FGGY: variants seen among roughly 807,000 people sequenced by gnomAD.
FGGY encodes the protein FGGY carbohydrate kinase domain containing.
Under a neutral mutation model 71.3 loss-of-function variants are expected in FGGY, and 72 were observed. That is an observed-to-expected ratio of 1.01 (90% confidence interval 0.84 to 1.23). The LOEUF (loss-of-function observed/expected upper bound fraction) is 1.23, where lower values mean the gene tolerates loss of function less well. Among genes scored for constraint, FGGY ranks in the 50% most tolerant of loss-of-function variants. The pLI is 0.00. For synonymous variants in FGGY, 251 were observed against 250.3 expected (o/e 1.00, Z -0.02); for missense variants, 668 against 682.3 (o/e 0.98, Z 0.23).
At chr1:59,374,096 T>C (rs1183132779) in intron 4 of FGGY, among the ~76,000 whole-genome samples, 1 of 152,094 alleles carries the variant, frequency 6.6e-6, no homozygotes, top group Non-Finnish European at 1.5e-5. Flanking sequence ...CAAAAGAAAC[T>C]ACCATCAGAG....
chr1:59,382,512 T>TGTA (rs1482759992), intron 5 of FGGY, among the ~76,000 whole-genome samples: 1 of 152,016 alleles, frequency 6.6e-6, no homozygotes, highest in African/African-American at 2.4e-5. Context: ...CCCTGGAAGG[T>TGTA]GTAATTAGTC....
intron 6 of FGGY, among the ~76,000 whole-genome samples, chr1:59,463,013 G>C (rs1447884255): frequency 6.6e-6 from 1 of 152,142 alleles, no homozygotes; most frequent in Non-Finnish European, 1.5e-5. Context: ...GCACACGTAT[G>C]TTTATTGCGG....
At chr1:59,450,060 G>C (rs2072330494) in intron 5 of FGGY, among the ~76,000 whole-genome samples, 1 of 152,010 alleles carries the variant, frequency 6.6e-6, no homozygotes, top group African/African-American at 2.4e-5. Flanking sequence ...GGAGATTTTA[G>C]GTCATTTACA....
At chr1:59,669,834 C>G (rs1462384397) in intron 13 of FGGY, among the ~76,000 whole-genome samples, 1 of 152,122 alleles carries the variant, frequency 6.6e-6, no homozygotes, top group South Asian at 2.1e-4. Flanking sequence ...TGTGAGTGAC[C>G]CCGGCACTGA....
intron 5 of FGGY, among the ~76,000 whole-genome samples, chr1:59,412,699 G>T (rs935186791): frequency 1.3e-5 from 2 of 152,028 alleles, no homozygotes; most frequent in African/African-American, 4.8e-5. Context: ...GAGACATTGT[G>T]TACAGGTAGA....
chr1:59,338,123 A>C (rs894209286), intron 2 of FGGY, among the ~76,000 whole-genome samples: 2 of 152,064 alleles, frequency 1.3e-5, no homozygotes, highest in Non-Finnish European at 2.9e-5. Context: ...TTGTTCTGTT[A>C]ATGTGCGTAT....
At chr1:59,368,231 C>T (rs1571094188) in intron 4 of FGGY, among the ~76,000 whole-genome samples, 1 of 152,176 alleles carries the variant, frequency 6.6e-6, no homozygotes, top group East Asian at 1.9e-4. Flanking sequence ...ATGATAAGTA[C>T]ATAGGAGTTA....
At chr1:59,426,339 G>C (rs1393073305) in intron 5 of FGGY, among the ~76,000 whole-genome samples, 3 of 152,108 alleles carry the variant, frequency 2.0e-5, no homozygotes, top group African/African-American at 7.2e-5. Context: ...GAGGGTCCTG[G>C]AAGGCTTGTC....
chr1:59,745,781 G>A (rs1199306195), intron 14 of FGGY, among the ~76,000 whole-genome samples: 1 of 152,214 alleles, frequency 6.6e-6, no homozygotes, highest in Admixed American at 6.5e-5. Flanking sequence ...AGAAATTAGA[G>A]CCAGACAGGG....
intron 5 of FGGY, among the ~76,000 whole-genome samples, chr1:59,391,999 A>C (rs1204874704): frequency 6.6e-6 from 1 of 152,164 alleles, no homozygotes; most frequent in African/African-American, 2.4e-5. Flanking sequence ...GAAACTCAGA[A>C]GGGTTTCATT....
chr1:59,713,281 G>A (rs996214740), intron 14 of FGGY, among the ~76,000 whole-genome samples: 2 of 152,146 alleles, frequency 1.3e-5, no homozygotes, highest in Admixed American at 6.5e-5. Flanking sequence ...TAGGAAGTTC[G>A]AAACTTTCCC....
At chr1:59,557,467 A>G (rs2095708726) in intron 8 of FGGY, among the ~76,000 whole-genome samples, 2 of 152,174 alleles carry the variant, frequency 1.3e-5, no homozygotes, top group South Asian at 4.1e-4. Context: ...GAAGCTTCGT[A>G]CCTCCAGGTT....
At chr1:59,531,778 G>T (rs2095151430) in intron 7 of FGGY, among the ~76,000 whole-genome samples, 1 of 152,098 alleles carries the variant, frequency 6.6e-6, no homozygotes, top group African/African-American at 2.4e-5. Flanking sequence ...GGTGTTATTT[G>T]GGACCCCGAA....
intron 4 of FGGY, among the ~76,000 whole-genome samples, chr1:59,367,335 A>G (rs746062880): frequency 1.4e-4 from 21 of 152,244 alleles, no homozygotes; most frequent in Admixed American, 8.5e-4. Context: ...ATTGAAGATT[A>G]CGTCTCTTCC....
intron 5 of FGGY, among the ~76,000 whole-genome samples, chr1:59,406,859 T>G (rs887696819): frequency 3.9e-5 from 6 of 152,232 alleles, no homozygotes; most frequent in African/African-American, 1.4e-4. Flanking sequence ...ATGCATATAT[T>G]TAGCAATTAT....
At chr1:59,588,123 A>G (rs921937331) in intron 8 of FGGY, among the ~76,000 whole-genome samples, 4 of 152,264 alleles carry the variant, frequency 2.6e-5, no homozygotes, top group Admixed American at 1.3e-4. Context: ...CTGAAAGCCA[A>G]GGCTCGAGAA....
chr1:59,436,776 C>A (rs1324986246), intron 5 of FGGY, among the ~76,000 whole-genome samples: 2 of 152,126 alleles, frequency 1.3e-5, no homozygotes, highest in African/African-American at 4.8e-5. Context: ...GTGCAGGAAG[C>A]CTTGTGTTGT....
At chr1:59,670,484 T>C (rs1004425573) in intron 13 of FGGY, among the ~76,000 whole-genome samples, 1 of 152,208 alleles carries the variant, frequency 6.6e-6, no homozygotes, top group Non-Finnish European at 1.5e-5. Flanking sequence ...GCAGATCAGC[T>C]CTGTGACTTT....
chr1:59,417,060 G>A (rs667767), intron 5 of FGGY, among the ~76,000 whole-genome samples: 10 of 152,156 alleles, frequency 6.6e-5, no homozygotes, highest in East Asian at 3.9e-4. Context: ...CCCAGTATCC[G>A]ATTCCAAAAC....
Sources: gnomAD v4.1 joint callset for allele counts (sites outside exome capture counted in the v4.1 genomes callset) on GRCh38, gnomAD v4.1.1 for gene constraint, MANE v1.5 for transcripts, NCBI Gene and HGNC (gene_info 2026-07-23, HGNC 2026-07-21) for gene names.